Variants in PLB1 observed in about 807,000 individuals in gnomAD.
PLB1 encodes the protein phospholipase B1.
A neutral mutation model predicts 227.4 loss-of-function variants in PLB1; 242 were observed. That is an observed-to-expected ratio of 1.06 (90% confidence interval 0.96 to 1.18). PLB1 has a LOEUF of 1.18. Ranked by LOEUF, PLB1 falls within the 50% of genes most tolerant of loss-of-function variation. The pLI is 0.00. For missense variants in PLB1, 1,858 were observed against 1,816.3 expected, an observed-to-expected ratio of 1.02 and a Z score of -0.42; for synonymous variants, 757 against 682.2, an observed-to-expected ratio of 1.11 and a Z score of -1.71.
At chr2:28,635,991 GTGTGTATGTA>G (rs1269765719) in intron 56 of PLB1, among the ~76,000 whole-genome samples, 8 of 151,830 alleles carry the variant, frequency 5.3e-5, no homozygotes, top group African/African-American at 1.7e-4. Flanking sequence ...CATTGTGTAT[GTGTGTATGTA>G]TGTGTATGTA....
At chr2:28,605,622 G>A (rs1347904215) in intron 41 of PLB1, among the ~76,000 whole-genome samples, 3 of 152,194 alleles carry the variant, frequency 2.0e-5, no homozygotes, top group Admixed American at 6.5e-5. Flanking sequence ...AATTGAATAA[G>A]GGGCACTTGT....
At chr2:28,566,047 C>A (rs956339710) in intron 19 of PLB1, among the ~76,000 whole-genome samples, 2 of 152,166 alleles carry the variant, frequency 1.3e-5, no homozygotes, top group African/African-American at 4.8e-5. Flanking sequence ...AGGCTTATTT[C>A]TGCTCTGTAT....
chr2:28,541,101 G>A (rs1169950338), intron 12 of PLB1, among the ~76,000 whole-genome samples: 3 of 152,122 alleles, frequency 2.0e-5, no homozygotes, highest in Admixed American at 6.6e-5. Flanking sequence ...GAGCTTGGCA[G>A]GTGGAGGTTG....
chr2:28,628,727 C>T (rs56024816), intron 52 of PLB1, 99 bp downstream of exon 52: 34 of 1,196,432 alleles, frequency 2.8e-5, no homozygotes, highest in Admixed American at 1.2e-4. Flanking sequence ...AGCAGAGACC[C>T]GCCATGAGTG....
intron 44 of PLB1, among the ~76,000 whole-genome samples, chr2:28,615,028 G>A (rs1007454064): frequency 6.6e-6 from 1 of 152,174 alleles, no homozygotes; most frequent in Non-Finnish European, 1.5e-5. Context: ...TGGGGCAAGG[G>A]AGGCAAATTC....
intron 56 of PLB1, among the ~76,000 whole-genome samples, chr2:28,634,101 T>G (rs1689019083): frequency 6.6e-6 from 1 of 152,212 alleles, no homozygotes; most frequent in Non-Finnish European, 1.5e-5. Flanking sequence ...GTAAACTGGC[T>G]TTATCCTTGG....
chr2:28,571,915 A>C (rs891899367), intron 20 of PLB1, among the ~76,000 whole-genome samples: 1 of 152,212 alleles, frequency 6.6e-6, no homozygotes, highest in Non-Finnish European at 1.5e-5. Context: ...GACAAGTGAC[A>C]AAAGAAAAAA....
In PLB1 at chr2:28,574,548, AATTTTTTTTTT is replaced by A. The variant is rs1166625050; in HGVS notation, c.1433+1244_1433+1254del. On this transcript the variant is annotated intron_variant, in intron 21 of 57. Transcript: ENST00000327757. The stretch of plus-strand genomic sequence containing the variant: ...CAGGCACACATCACCATTCCCGGCT[AATTTTTTTTTT>A]TTTTTTTTTTTTTTTTTGGTAGAGA... Among the ~76,000 whole-genome samples, 46 of 86,682 alleles carry A rather than the reference AATTTTTTTTTT, an allele frequency of 5.3e-4. 1 individual carries two copies. The highest frequency in any genetic ancestry group is 1.7e-3 in the African/African-American group (43 of 25,058). 56.9% of individuals were successfully genotyped at this position (86,682 alleles called of 152,430 possible). A position where few individuals can be genotyped will look rare whatever the true frequency, so the allele number is the denominator to read the frequency against.
chr2:28,629,897 A>T (rs1688355953), intron 53 of PLB1, among the ~76,000 whole-genome samples: 1 of 152,158 alleles, frequency 6.6e-6, no homozygotes, highest in Admixed American at 6.5e-5. Context: ...GATTATTGCT[A>T]TGAGAGAGGA....
chr2:28,601,990 G>T (rs768888477), intron 38 of PLB1, 26 bp downstream of exon 38: 2 of 1,576,424 alleles, frequency 1.3e-6, no homozygotes, highest in Non-Finnish European at 1.7e-6. Flanking sequence ...CCACAAGCTG[G>T]TAACAGCTCA....
At chr2:28,500,690 T>C (rs1200485417) in intron 1 of PLB1, among the ~76,000 whole-genome samples, 2 of 151,986 alleles carry the variant, frequency 1.3e-5, no homozygotes, top group Non-Finnish European at 2.9e-5. Context: ...GCAGGGAGGA[T>C]AGCTTGAACC....
Position 28,585,809 on chromosome 2 carries a change from T to C in PLB1, c.1782T>C (p.Leu594=). ...VLKFDDNSTE[L]ATLIEFNKKF... is the part of the protein sequence containing the mutation. ...AGTTTGATGATAACTCAACAGAACTTGCTACCCTCATCGAATTCAACAAGA... is the reference window on the plus strand; with the variant it reads ...AGTTTGATGATAACTCAACAGAACTCGCTACCCTCATCGAATTCAACAAGA... The change falls in exon 26 of 58, where the codon CTT becomes CTC. Residue 594 remains leucine (L), a synonymous_variant. Transcript: ENST00000327757. 2.5e-6 allele frequency: 4 copies of C among 1,612,528 alleles called. No homozygotes were observed. Among genetic ancestry groups the C allele is most frequent in the Non-Finnish European group, 3.4e-6 (4 of 1,178,516 alleles).
chr2:28,573,207 G>T lies in PLB1; in HGVS notation c.1335G>T (p.Arg445=), dbSNP rs776267026. The T allele has an allele frequency of 1.2e-6, 2 of 1,613,442 alleles. No individual in the cohort carries two copies. Among genetic ancestry groups the T allele is most frequent in the Non-Finnish European group, 1.7e-6 (2 of 1,179,552 alleles). ...TCCTTGTATTTGCAGACATCCTCCGGGAATTCAACCCTTCCCTGAAGGGCT... is the reference window on the plus strand; with the variant it reads ...TCCTTGTATTTGCAGACATCCTCCGTGAATTCAACCCTTCCCTGAAGGGCT... ...GTVTTLANIL[R]EFNPSLKGFS... is the part of the protein sequence containing the mutation. The change falls in exon 21 of 58, where the codon CGG becomes CGT. Residue 445 remains arginine, a synonymous_variant. Coordinates refer to ENST00000327757, the MANE Select transcript of PLB1 (RefSeq NM_153021.5).
At chr2:28,637,298 TTA>T (rs1491115416) in intron 56 of PLB1, among the ~76,000 whole-genome samples, 24 of 121,310 alleles carry the variant, frequency 2.0e-4, no homozygotes, top group Non-Finnish European at 2.7e-4. Flanking sequence ...TGTCTCAAAT[TTA>T]AAAAAAAAAA....
Position 28,617,758 on chromosome 2 carries a change from G to A in PLB1, c.3227G>A (p.Trp1076Ter). The A allele has an allele frequency of 6.2e-7, 1 of 1,614,178 alleles. No homozygotes were observed. Among genetic ancestry groups the A allele is most frequent in the Non-Finnish European group, 8.5e-7 (1 of 1,179,998 alleles). ...NWGSDFLCTE[W>*]KASNSVPTSV... ...GGCAGTGACTTCCTGTGTACAGAGTGGAAGGCTTCCAATAGTGTTCCAACC... is the reference window on the plus strand; with the variant it reads ...GGCAGTGACTTCCTGTGTACAGAGTAGAAGGCTTCCAATAGTGTTCCAACC... The change falls in exon 45 of 58, where the codon TGG becomes TAG. Residue 1076 changes from tryptophan (W) to a stop codon, truncating the protein, a stop_gained. Transcript: ENST00000327757. LOFTEE classifies it high-confidence loss of function.
intron 49 of PLB1, 140 bp downstream of exon 49, chr2:28,621,118 T>C (rs914729353): frequency 2.1e-5 from 14 of 663,882 alleles, no homozygotes; most frequent in African/African-American, 1.1e-4. Context: ...ATGTGAATTA[T>C]CTCCTGAGAT....
At position 28,532,213 on chromosome 2, in the gene PLB1, G is replaced by A. The variant is rs1038694885; in HGVS notation, c.555+19G>A. On this transcript the variant is annotated intron_variant, in intron 9 of 57. Transcript: ENST00000327757. ...TCAACAGGTAAATGGCAGCCTTGGG[G>A]ACCAAGGGATTACAGATGCTGGGGT... is the stretch of plus-strand genomic sequence containing the variant. 1.3e-6 allele frequency: 2 copies of A among 1,584,682 alleles called. No individual in the cohort carries two copies. The highest frequency in any genetic ancestry group is 1.7e-6 in the Non-Finnish European group (2 of 1,156,428).
chr2:28,606,672 C>G (rs1405250541), intron 43 of PLB1, 105 bp downstream of exon 43: 2 of 1,044,720 alleles, frequency 1.9e-6, no homozygotes, highest in East Asian at 2.4e-5. Context: ...CATCTTGCCC[C>G]CTTACTGAGG....
intron 4 of PLB1, among the ~76,000 whole-genome samples, chr2:28,520,683 G>A (rs1487944529): frequency 1.3e-5 from 2 of 151,960 alleles, no homozygotes; most frequent in Non-Finnish European, 1.5e-5. Flanking sequence ...CCTCATATAA[G>A]TGAAATTGGC....
Sources: gnomAD v4.1 joint callset for allele counts (sites outside exome capture counted in the v4.1 genomes callset) on GRCh38, gnomAD v4.1.1 for gene constraint, MANE v1.5 for transcripts, NCBI Gene and HGNC (gene_info 2026-07-23, HGNC 2026-07-21) for gene names.